The following SOX5 variants were observed in gnomAD, a reference collection of about 807,000 sequenced individuals.
The protein encoded by SOX5 is SRY-box transcription factor 5.
In SOX5, 9 loss-of-function variants were observed where a neutral mutation model predicts 92.0. The observed-to-expected ratio is 0.10, with a 90% CI of 0.06 to 0.17. The LOEUF (loss-of-function observed/expected upper bound fraction) is 0.17. Ranked by LOEUF, SOX5 falls within the 10% of genes least tolerant of loss-of-function variation. The probability of loss-of-function intolerance (pLI) is 1.00; values close to 1 mark genes in which losing one functional copy is unlikely to be tolerated. For synonymous variants in SOX5, 344 were observed against 336.3 expected (o/e 1.02, Z -0.25); for missense variants, 642 against 944.5 (o/e 0.68, Z 4.20).
At chr12:24,112,017 T>G (rs1381993143) in intron 4 of SOX5, among the ~76,000 whole-genome samples, 1 of 152,196 alleles carries the variant, frequency 6.6e-6, no homozygotes, top group Non-Finnish European at 1.5e-5. Flanking sequence ...TAACCAAGCT[T>G]ATCCACTGTC....
intron 2 of SOX5, among the ~76,000 whole-genome samples, chr12:24,348,049 C>CAAAAAAAAAAAAAAAAAAAAAA (rs1182462748): frequency 2.7e-5 from 2 of 72,728 alleles, no homozygotes; most frequent in African/African-American, 4.7e-5. Context: ...TACAGCTAAT[C>CAAAAAAAAAAAAAAAAAAAAAA]AAAAAAAAAA....
chr12:24,133,408 T>C (rs1266902711), intron 4 of SOX5, among the ~76,000 whole-genome samples: 1 of 152,228 alleles, frequency 6.6e-6, no homozygotes. Flanking sequence ...AAAGAAGAGA[T>C]GACTATGGTG....
chr12:23,781,379 A>G (rs997275724), intron 3 of SOX5, among the ~76,000 whole-genome samples: 1 of 152,016 alleles, frequency 6.6e-6, no homozygotes, highest in Non-Finnish European at 1.5e-5. Context: ...TTACTAATAG[A>G]TAACTGAAAA....
intron 2 of SOX5, among the ~76,000 whole-genome samples, chr12:24,310,305 T>C (rs991453721): frequency 6.6e-6 from 1 of 152,178 alleles, no homozygotes; most frequent in Non-Finnish European, 1.5e-5. Flanking sequence ...TAAAGTGCTT[T>C]CTAAAATATG....
chr12:24,401,708 TAAAAAAAAAAAAAAAAA>T (rs71063321), intron 1 of SOX5, among the ~76,000 whole-genome samples: 1 of 99,462 alleles, frequency 1.0e-5, no homozygotes, highest in Admixed American at 1.2e-4. Flanking sequence ...ACCCTATCTT[TAAAAAAAAAAAAAAAAA>T]AAAAAAAAAA....
intron 4 of SOX5, among the ~76,000 whole-genome samples, chr12:24,169,613 A>G (rs1191245825): frequency 2.0e-5 from 3 of 152,220 alleles, no homozygotes; most frequent in Non-Finnish European, 4.4e-5. Context: ...CATGTATTTT[A>G]CATGTGTTGT....
At chr12:24,425,027 G>A (rs1966545854) in intron 1 of SOX5, among the ~76,000 whole-genome samples, 1 of 152,100 alleles carries the variant, frequency 6.6e-6, no homozygotes, top group Admixed American at 6.6e-5. Flanking sequence ...ATAGGGGGGA[G>A]AGAGACAGAA....
intron 1 of SOX5, among the ~76,000 whole-genome samples, chr12:24,405,684 G>A (rs929608912): frequency 3.3e-5 from 5 of 152,124 alleles, no homozygotes; most frequent in African/African-American, 4.8e-5. Context: ...CCACTGCCTC[G>A]ACTCTCCCTA....
chr12:23,870,110 C>T (rs1443136592), intron 2 of SOX5, among the ~76,000 whole-genome samples: 4 of 152,032 alleles, frequency 2.6e-5, no homozygotes, highest in East Asian at 1.9e-4. Context: ...TCCTATCATA[C>T]TGTTACTCAG....
At chr12:24,108,827 A>G (rs761580905) in intron 4 of SOX5, among the ~76,000 whole-genome samples, 2 of 152,142 alleles carry the variant, frequency 1.3e-5, no homozygotes, top group Non-Finnish European at 2.9e-5. Flanking sequence ...CAGTTCCATA[A>G]ACCATCAACT....
At chr12:24,022,918 G>T (rs993181237) in intron 4 of SOX5, among the ~76,000 whole-genome samples, 4 of 104,324 alleles carry the variant, frequency 3.8e-5, no homozygotes, top group Non-Finnish European at 6.3e-5. Context: ...TTCTGACCAT[G>T]GGTAAAAAAA....
At chr12:23,902,554 C>A (rs1242452947) in intron 1 of SOX5, among the ~76,000 whole-genome samples, 5 of 151,168 alleles carry the variant, frequency 3.3e-5, no homozygotes, top group Non-Finnish European at 7.4e-5. Flanking sequence ...ATATCATCAA[C>A]TTTTTCAGTT....
At chr12:24,443,439 C>A (rs1940970630) in intron 1 of SOX5, among the ~76,000 whole-genome samples, 1 of 152,080 alleles carries the variant, frequency 6.6e-6, no homozygotes, top group South Asian at 2.1e-4. Flanking sequence ...TTCATGATAC[C>A]AGTCAATAAA....
At chr12:23,964,377 C>T (rs1431338998) in intron 4 of SOX5, among the ~76,000 whole-genome samples, 1 of 152,108 alleles carries the variant, frequency 6.6e-6, no homozygotes, top group Non-Finnish European at 1.5e-5. Context: ...CTTAATATCC[C>T]CTTCATTTAC....
At chr12:24,160,908 T>A (rs1952689055) in intron 4 of SOX5, among the ~76,000 whole-genome samples, 1 of 152,068 alleles carries the variant, frequency 6.6e-6, no homozygotes, top group South Asian at 2.1e-4. Context: ...GCACACACAC[T>A]CCTCCCTTTA....
In SOX5 at chr12:23,900,422, T is replaced by G. The variant is rs552227003; in HGVS notation, c.39-4398A>C. ...CTCTGCAAGTAGGCTGTCTCCAATGTGTTCAGACATGGATGGCAAACTTAG... is the reference window on the plus strand; with the variant it reads ...CTCTGCAAGTAGGCTGTCTCCAATGGGTTCAGACATGGATGGCAAACTTAG... On this transcript the variant is annotated intron_variant, in intron 1 of 14. Coordinates refer to ENST00000451604, the MANE Select transcript of SOX5 (RefSeq NM_006940.6). 1.1e-4 allele frequency among the ~76,000 whole-genome samples: 16 copies of G among 152,304 alleles called. 1 individual carries two copies. The South Asian group carries it at 3.3e-3, about 32-fold the overall frequency.
intron 9 of SOX5, among the ~76,000 whole-genome samples, chr12:23,577,361 G>C (rs192885840): frequency 6.6e-6 from 1 of 150,798 alleles, no homozygotes; most frequent in Non-Finnish European, 1.5e-5. Context: ...CACCACGTCC[G>C]GCTAATTTTT....
chr12:23,758,362 T>G (rs929724470), intron 3 of SOX5, among the ~76,000 whole-genome samples: 2 of 149,906 alleles, frequency 1.3e-5, no homozygotes, highest in African/African-American at 2.4e-5. Context: ...CAAAATGTAA[T>G]GGGCAGAATT....
rs117319429 is a variant in SOX5 at position 24,426,226 on chromosome 12, A to C, written c.-250-57587T>G. ...AAAAACAAACAAACAAACAAACAAA[A>C]AAAACACTGCATATTCTCACTCATA... On this transcript the variant is annotated intron_variant, in intron 1 of 4. Coordinates refer to the SOX5 transcript ENST00000446891. Among the ~76,000 whole-genome samples the C allele has an allele frequency of 5.2e-3, 783 of 151,650 alleles. 12 individuals carry two copies. The highest frequency in any genetic ancestry group is 0.05 in the East Asian group (259 of 5,140).
Sources: allele counts gnomAD v4.1 joint callset (sites outside exome capture counted in the v4.1 genomes callset), GRCh38; gene constraint gnomAD v4.1.1; transcripts MANE v1.5; gene names NCBI Gene and HGNC (gene_info 2026-07-23, HGNC 2026-07-21).